Variants in AGMO observed in about 807,000 individuals in gnomAD.
AGMO encodes alkylglycerol monooxygenase, also known as glyceryl-ether monooxygenase.
Under a neutral mutation model 60.2 loss-of-function variants are expected in AGMO, and 75 were observed. That is an observed-to-expected ratio of 1.25 (90% CI 1.03 to 1.51). The LOEUF (loss-of-function observed/expected upper bound fraction) is 1.51. Ranked by LOEUF, AGMO falls within the 40% of genes most tolerant of loss-of-function variation. AGMO has a pLI of 0.00. For missense variants in AGMO, 763 were observed against 525.5 expected (o/e 1.45, Z -4.42); for synonymous variants, 261 against 177.1 (o/e 1.47, Z -3.76).
At chr7:15,391,593 G>A (rs10270258) in intron 6 of AGMO, among the ~76,000 whole-genome samples, 63,310 of 151,906 alleles carry the variant, frequency 0.42, 13,915 homozygotes, top group African/African-American at 0.56. Context: ...ACCCCAAGAA[G>A]CTCAACTATC....
intron 12 of AGMO, among the ~76,000 whole-genome samples, chr7:15,347,962 T>C (rs1323161998): frequency 6.6e-6 from 1 of 152,200 alleles, no homozygotes; most frequent in Admixed American, 6.5e-5. Context: ...TAACTTTTCT[T>C]GACTTTACTC....
intron 4 of AGMO, among the ~76,000 whole-genome samples, chr7:15,424,374 G>T (rs1478303121): frequency 2.0e-5 from 3 of 152,068 alleles, no homozygotes; most frequent in Non-Finnish European, 2.9e-5. Context: ...GACACATAAA[G>T]GAGGTTAAAT....
the AGMO span, among the ~76,000 whole-genome samples, chr7:15,145,103 C>T: frequency 6.6e-6 from 1 of 152,210 alleles, no homozygotes; most frequent in African/African-American, 2.4e-5. Flanking sequence ...GCTGGGATTA[C>T]AGGCGTGAGC....
At chr7:15,462,627 T>TGA (rs1438429410) in intron 3 of AGMO, among the ~76,000 whole-genome samples, 2 of 152,188 alleles carry the variant, frequency 1.3e-5, no homozygotes, top group Non-Finnish European at 2.9e-5. Flanking sequence ...TAAATCTATC[T>TGA]ACATTTCTGG....
chr7:15,175,695 A>G, the AGMO span, among the ~76,000 whole-genome samples: 1 of 151,914 alleles, frequency 6.6e-6, no homozygotes, highest in African/African-American at 2.4e-5. Flanking sequence ...TTAAATGATA[A>G]TAACATTAGT....
intron 12 of AGMO, among the ~76,000 whole-genome samples, chr7:15,234,254 T>C (rs149825926): frequency 6.6e-6 from 1 of 152,212 alleles, no homozygotes; most frequent in Non-Finnish European, 1.5e-5. Flanking sequence ...ATTACCTTTC[T>C]CAAAGGGGAC....
intron 12 of AGMO, among the ~76,000 whole-genome samples, chr7:15,224,200 C>T (rs867297172): frequency 6.6e-6 from 1 of 151,804 alleles, no homozygotes; most frequent in South Asian, 2.1e-4. Flanking sequence ...ATACGATTCA[C>T]AGAACTACAC....
At chr7:15,531,957 C>A (rs1470125098) in intron 3 of AGMO, among the ~76,000 whole-genome samples, 3 of 152,040 alleles carry the variant, frequency 2.0e-5, no homozygotes, top group African/African-American at 7.2e-5. Flanking sequence ...GCCTGAGCCA[C>A]CACCCCTGGC....
In AGMO at chr7:15,254,488, T is replaced by C. The variant is rs146472823; in HGVS notation, c.1264-53129A>G. Among the ~76,000 whole-genome samples the C allele has an allele frequency of 5.0e-3, 768 of 152,292 alleles. 3 individuals carry two copies. Among genetic ancestry groups the C allele is most frequent in the African/African-American group, 0.016 (647 of 41,560 alleles). On this transcript the variant is annotated intron_variant, in intron 12 of 12. Coordinates refer to ENST00000342526, the MANE Select transcript of AGMO (RefSeq NM_001004320.2). ...TGACTTGCATATCCTTGATGGTTAG[T>C]AATGTTCAGTATTTTTTCATACACC...
At chr7:15,346,958 T>A (rs541139046) in intron 12 of AGMO, among the ~76,000 whole-genome samples, 5 of 152,154 alleles carry the variant, frequency 3.3e-5, no homozygotes, top group Non-Finnish European at 5.9e-5. Context: ...GCTCCTTTTT[T>A]AAGTATGTAC....
intron 4 of AGMO, among the ~76,000 whole-genome samples, chr7:15,426,432 A>C (rs1267133218): frequency 2.6e-5 from 4 of 152,150 alleles, no homozygotes; most frequent in Non-Finnish European, 2.9e-5. Flanking sequence ...TTATGGAACC[A>C]ACCAACCAAA....
At chr7:15,277,415 C>T (rs77305533) in intron 12 of AGMO, among the ~76,000 whole-genome samples, 4,736 of 152,090 alleles carry the variant, frequency 0.031, 239 homozygotes, top group African/African-American at 0.11. Flanking sequence ...CTATTCTGAT[C>T]CTTTGGTGGT....
At chr7:15,528,045 T>G (rs1784170648) in intron 3 of AGMO, among the ~76,000 whole-genome samples, 1 of 152,160 alleles carries the variant, frequency 6.6e-6, no homozygotes, top group African/African-American at 2.4e-5. Flanking sequence ...TAACAAAATA[T>G]CCATTCTGCA....
chr7:15,535,309 C>T (rs1379033318), intron 3 of AGMO, among the ~76,000 whole-genome samples: 1 of 151,586 alleles, frequency 6.6e-6, no homozygotes, highest in African/African-American at 2.4e-5. Flanking sequence ...ATAAGTTATT[C>T]CTATTTTTCT....
chr7:15,388,385 T>C (rs1784008723), intron 8 of AGMO, among the ~76,000 whole-genome samples: 1 of 152,064 alleles, frequency 6.6e-6, no homozygotes, highest in Admixed American at 6.6e-5. Context: ...ATCTGAGGAA[T>C]AGGTAAATGT....
At chr7:15,441,423 C>T (rs1207810304) in intron 3 of AGMO, among the ~76,000 whole-genome samples, 1 of 152,154 alleles carries the variant, frequency 6.6e-6, no homozygotes, top group Non-Finnish European at 1.5e-5. Flanking sequence ...ACATTAACAC[C>T]GTGAGTTTGG....
intron 12 of AGMO, among the ~76,000 whole-genome samples, chr7:15,307,727 T>G (rs1243573608): frequency 2.0e-5 from 3 of 152,034 alleles, no homozygotes; most frequent in African/African-American, 7.2e-5. Flanking sequence ...CAACTGAGAT[T>G]TGGATATCTC....
At chr7:15,560,438 CTAAT>C (rs914805565) in intron 1 of AGMO, among the ~76,000 whole-genome samples, 167 bp from the exon 2 acceptor site, 4 of 152,148 alleles carry the variant, frequency 2.6e-5, no homozygotes, top group African/African-American at 9.6e-5. Flanking sequence ...GTAAAGAAGT[CTAAT>C]TATTTTAGAC....
In AGMO at chr7:15,544,133, C is replaced by T. The variant is rs564982352; in HGVS notation, c.409+639G>A. Among the ~76,000 whole-genome samples, 4 of 151,480 alleles carry T rather than the reference C, an allele frequency of 2.6e-5. No homozygotes were observed. The East Asian group carries it at 5.9e-4, about 22-fold the overall frequency. On this transcript the variant is annotated intron_variant, in intron 3 of 12. Transcript: ENST00000342526. ...ATTAACTCAGGAATGGAAAACCAAA[C>T]ATCATATGTTCTCACTCATATGTGG...
Sources: allele counts gnomAD v4.1 joint callset (sites outside exome capture counted in the v4.1 genomes callset), GRCh38; gene constraint gnomAD v4.1.1; transcripts MANE v1.5; gene names NCBI Gene and HGNC (gene_info 2026-07-23, HGNC 2026-07-21).